Variants in AHR observed in about 807,000 individuals in gnomAD.
AHR encodes AH-receptor.
AHR carries 40 observed loss-of-function variants against 86.8 expected under a neutral mutation model. The ratio of observed to expected loss-of-function variants is 0.46; its 90% CI spans 0.36 to 0.60. AHR has a LOEUF of 0.60. AHR is among the 20% of genes least tolerant of loss of function. The probability of loss-of-function intolerance (pLI) is 0.00; values close to 1 mark genes in which losing one functional copy is unlikely to be tolerated. For synonymous variants in AHR, 398 were observed against 354.9 expected, an observed-to-expected ratio of 1.12 and a Z score of -1.37; for missense variants, 1,001 against 1,011.6, an observed-to-expected ratio of 0.99 and a Z score of 0.14.
At chr7:17,317,708 A>G (rs555806295) in intron 2 of AHR, among the ~76,000 whole-genome samples, 1 of 152,282 alleles carries the variant, frequency 6.6e-6, no homozygotes, top group South Asian at 2.1e-4. Context: ...CAGAAATTCT[A>G]GAGGTGTGGC....
chr7:17,311,256 A>G (rs184455709), intron 2 of AHR, among the ~76,000 whole-genome samples: 22 of 152,308 alleles, frequency 1.4e-4, no homozygotes, highest in Admixed American at 1.1e-3. Context: ...TCAGTGGGCT[A>G]TGTCAGTCAA....
intron 2 of AHR, among the ~76,000 whole-genome samples, chr7:17,310,917 A>T (rs1048068969): frequency 6.6e-6 from 1 of 152,196 alleles, no homozygotes; most frequent in Non-Finnish European, 1.5e-5. Context: ...AGAACATTTG[A>T]TTGTAAGAGT....
rs765489770 is a variant in AHR, at chr7:17,340,201, G to C, written c.2376G>C (p.Leu792=). 1 of 1,609,724 alleles carries C rather than the reference G, an allele frequency of 6.2e-7. No homozygotes were observed. The highest frequency in any genetic ancestry group is 8.5e-7 in the Non-Finnish European group (1 of 1,177,570). ...GTCAGATGCAGTACAATCCAGTACTGCCAGGCCAACAGGCATTTTTAAACA... is the reference window on the plus strand; with the variant it reads ...GTCAGATGCAGTACAATCCAGTACTCCCAGGCCAACAGGCATTTTTAAACA... ...HVGQMQYNPV[L]PGQQAFLNKF... is the part of the protein sequence containing the mutation. The change falls in exon 10 of 11, where the codon CTG becomes CTC. Residue 792 remains leucine, a synonymous_variant. Transcript: ENST00000242057.
chr7:17,309,827 T>G (rs1782043483), intron 1 of AHR, 109 bp from the exon 2 acceptor site: 2 of 975,742 alleles, frequency 2.0e-6, no homozygotes, highest in South Asian at 5.3e-5. Flanking sequence ...AAGTAGACTT[T>G]AAAAGTTTGT....
chr7:17,313,428 G>A (rs1782086142), intron 2 of AHR, among the ~76,000 whole-genome samples: 3 of 152,072 alleles, frequency 2.0e-5, no homozygotes, highest in Non-Finnish European at 4.4e-5. Context: ...ATATAAACGA[G>A]TAATCATACA....
chr7:17,325,175 A>T lies in AHR; in HGVS notation c.360+2568A>T, dbSNP rs562311317. 5.9e-5 allele frequency among the ~76,000 whole-genome samples: 9 copies of T among 152,334 alleles called. No homozygotes were observed. The South Asian group carries it at 1.9e-3, about 32-fold the overall frequency. On this transcript the variant is annotated intron_variant, in intron 3 of 10. Transcript: ENST00000242057. The stretch of plus-strand genomic sequence containing the variant: ...TAATTTATTGAGAGAAATCAATACA[A>T]GTAATAACCTTGGGTCTCCTGGTAC...
chr7:17,321,585 C>CCACACATACACA, intron 2 of AHR, among the ~76,000 whole-genome samples: 1 of 69,690 alleles, frequency 1.4e-5, no homozygotes, highest in African/African-American at 4.4e-5. Context: ...TACATACATA[C>CCACACATACACA]CACACACATA....
Position 17,299,157 on chromosome 7 carries a change from G to C in AHR, c.-108G>C, listed in dbSNP as rs937034081. The C allele has an allele frequency of 1.6e-4, 203 of 1,269,142 alleles. No homozygotes were observed. The highest frequency in any genetic ancestry group is 1.7e-4 in the Non-Finnish European group (165 of 950,710). 78.6% of individuals were successfully genotyped at this position (1,269,142 alleles called of 1,614,324 possible). A position where few individuals can be genotyped will look rare whatever the true frequency, so the allele number is the denominator to read the frequency against. On this transcript the variant is annotated 5_prime_UTR_variant, in exon 1 of 11. Coordinates refer to ENST00000242057, the MANE Select transcript of AHR (RefSeq NM_001621.5). Reference sequence around the variant, plus strand: ...AGAGGACGCAGGTGGAGCGGGCGCGGCTTCGCGGAACCCGGCGCCGGCCGC... The same window carrying C: ...AGAGGACGCAGGTGGAGCGGGCGCGCCTTCGCGGAACCCGGCGCCGGCCGC...
chr7:17,327,650 A>C, intron 3 of AHR, 109 bp from the exon 4 acceptor site: 1 of 472,318 alleles, frequency 2.1e-6, no homozygotes, highest in Non-Finnish European at 3.7e-6. Flanking sequence ...GAAATGTGAC[A>C]ATTTTAACTA....
At chr7:17,340,587 G>A (rs970247493) in intron 10 of AHR, among the ~76,000 whole-genome samples, 32 of 151,884 alleles carry the variant, frequency 2.1e-4, no homozygotes, top group Admixed American at 7.2e-4. Context: ...AAAATTATAT[G>A]GCTATTTAAA....
chr7:17,305,004 C>T (rs933170152), intron 1 of AHR, among the ~76,000 whole-genome samples: 3 of 152,032 alleles, frequency 2.0e-5, no homozygotes, highest in African/African-American at 7.2e-5. Context: ...ATTTCATTTT[C>T]CTGATCTTCC....
chr7:17,307,623 T>C (rs1280622238), intron 1 of AHR, among the ~76,000 whole-genome samples: 1 of 152,180 alleles, frequency 6.6e-6, no homozygotes, highest in Non-Finnish European at 1.5e-5. Context: ...AAGGATTTTG[T>C]GTGCTAAGCT....
Position 17,344,921 on chromosome 7 carries a change from A to C in AHR, c.*1857A>C, listed in dbSNP as rs1210843501. The C allele has an allele frequency of 3.3e-5, 5 of 150,760 alleles. No individual in the cohort carries two copies. The highest frequency in any genetic ancestry group is 1.2e-4 in the African/African-American group (5 of 41,040). The allele number at this position is 150,760 out of a possible 1,614,324, so 9.3% of individuals were successfully genotyped here. A position where few individuals can be genotyped will look rare whatever the true frequency, so the allele number is the denominator to read the frequency against. On this transcript the variant is annotated 3_prime_UTR_variant, in exon 11 of 11. Coordinates refer to ENST00000242057, the MANE Select transcript of AHR (RefSeq NM_001621.5). The stretch of plus-strand genomic sequence containing the variant: ...TGGGATTACAGGCGTGAGCCACTGC[A>C]TTCAGCTCTTCTTTTCTTTAGATAT...
intron 1 of AHR, 84 bp downstream of exon 1, chr7:17,299,413 A>G: frequency 1.4e-6 from 2 of 1,437,492 alleles, no homozygotes; most frequent in Non-Finnish European, 9.5e-7. Flanking sequence ...CCGCCCCCAA[A>G]TCCCTGCGAT....
chr7:17,305,305 T>G (rs913138156), intron 1 of AHR, among the ~76,000 whole-genome samples: 1 of 152,188 alleles, frequency 6.6e-6, no homozygotes, highest in Non-Finnish European at 1.5e-5. Context: ...GCACATAGTT[T>G]ATGATTGTAA....
intron 9 of AHR, among the ~76,000 whole-genome samples, chr7:17,337,576 G>A (rs1199010409): frequency 4.0e-5 from 6 of 149,202 alleles, no homozygotes; most frequent in African/African-American, 7.4e-5. Context: ...CCGGGTTCAC[G>A]CCATTCTCCT....
chr7:17,343,082 AC>A lies in AHR; in HGVS notation c.*21del. The A allele has an allele frequency of 6.2e-7, 1 of 1,612,924 alleles. No homozygotes were observed. Among genetic ancestry groups the A allele is most frequent in the Non-Finnish European group, 8.5e-7 (1 of 1,179,408 alleles). On this transcript the variant is annotated 3_prime_UTR_variant, in exon 11 of 11. Transcript: ENST00000242057. Reference sequence around the variant, plus strand: ...TCCTGTAATTCCAAGCCCAATTTTGACCCTGGTTTTTGGATTAAATTAGTTT... The same window carrying A: ...TCCTGTAATTCCAAGCCCAATTTTGACCTGGTTTTTGGATTAAATTAGTTT...
At chr7:17,336,891 A>C (rs757938045) in intron 9 of AHR, among the ~76,000 whole-genome samples, 3 of 151,930 alleles carry the variant, frequency 2.0e-5, no homozygotes, top group Non-Finnish European at 2.9e-5. Context: ...ATTTGTTTTC[A>C]ATTTTAATTA....
chr7:17,335,958 A>G (rs941175427), intron 9 of AHR, 172 bp downstream of exon 9: 14 of 618,264 alleles, frequency 2.3e-5, no homozygotes, highest in African/African-American at 2.3e-4. Flanking sequence ...GAATTGACGA[A>G]CTTGATTGAG....
Sources: allele counts gnomAD v4.1 joint callset (sites outside exome capture counted in the v4.1 genomes callset), GRCh38; gene constraint gnomAD v4.1.1; transcripts MANE v1.5; gene names NCBI Gene and HGNC (gene_info 2026-07-23, HGNC 2026-07-21).